The following UBQLN1 variants were observed in gnomAD, a reference collection of about 807,000 sequenced individuals.
UBQLN1 encodes ubiquilin 1, also known as ubiquilin-1.
In UBQLN1, 13 loss-of-function variants were observed where a neutral mutation model predicts 65.4. The observed-to-expected ratio is 0.20, with a 90% CI of 0.13 to 0.32. The LOEUF is 0.32. UBQLN1 is among the 10% of genes least tolerant of loss of function. The probability of loss-of-function intolerance (pLI) is 1.00; values close to 1 mark genes in which losing one functional copy is unlikely to be tolerated. For missense variants in UBQLN1, 561 were observed against 724.0 expected (o/e 0.77, Z 2.58); for synonymous variants, 267 against 247.8 (o/e 1.08, Z -0.73).
rs751361567 is a variant in UBQLN1 at position 83,682,980 on chromosome 9, C to A, written c.419G>T (p.Gly140Val). ...ACCAAAAGGGTTGCTAGTAGCAGAACCAGATGTAGAGTTACTATTAGGAGT... is the reference window on the plus strand; with the variant it reads ...ACCAAAAGGGTTGCTAGTAGCAGAAACAGATGTAGAGTTACTATTAGGAGT... Reference protein sequence around the residue: ...SSTPNSNSTSGSATSNPFGLG... With the variant: ...SSTPNSNSTSVSATSNPFGLG... Residue 140 changes from glycine to valine, a missense_variant, in exon 3 of 11, where the codon GGT (glycine) becomes GTT (valine). Gly to Val is a moderately radical substitution (Grantham distance 109). Around this residue, in one of 8 missense-constraint regions of UBQLN1, gnomAD observed 87 missense variants for 88.8 expected, o/e 0.98. Transcript: ENST00000376395. The A allele has an allele frequency of 1.2e-6, 2 of 1,611,096 alleles. No individual in the cohort carries two copies. Among genetic ancestry groups the A allele is most frequent in the South Asian group, 1.1e-5 (1 of 90,812 alleles).
Position 83,666,336 on chromosome 9 carries a change from C to G in UBQLN1, c.1332+14G>C. ...AATCATTACCCAAGATAGCTAACAT[C>G]TTGTCTTACTCACTTGTTGGAGGAA... On this transcript the variant is annotated intron_variant, in intron 8 of 10. Transcript: ENST00000376395. 6.2e-7 allele frequency: 1 copy of G among 1,612,634 alleles called. No individual in the cohort carries two copies. The highest frequency in any genetic ancestry group is 1.7e-4 in the Middle Eastern group (1 of 6,054).
intron 1 of UBQLN1, among the ~76,000 whole-genome samples, 181 bp from the exon 2 acceptor site, chr9:83,686,336 G>A (rs549527720): frequency 1.3e-5 from 2 of 152,174 alleles, no homozygotes; most frequent in African/African-American, 4.8e-5. Context: ...AGGCTGCAGT[G>A]AGCTATTATC....
intron 7 of UBQLN1, chr9:83,667,867 A>G: frequency 1.0e-6 from 1 of 974,874 alleles, no homozygotes; most frequent in Non-Finnish European, 1.2e-6. Flanking sequence ...AAAAGTTTCT[A>G]AATTATCTGT....
At chr9:83,674,304 G>T (rs1831791170) in intron 6 of UBQLN1, among the ~76,000 whole-genome samples, 1 of 152,046 alleles carries the variant, frequency 6.6e-6, no homozygotes, top group Non-Finnish European at 1.5e-5. Flanking sequence ...AAATGAGATG[G>T]CAAAACTTGT....
At chr9:83,682,392 C>T (rs1359347081) in intron 3 of UBQLN1, among the ~76,000 whole-genome samples, 1 of 151,874 alleles carries the variant, frequency 6.6e-6, no homozygotes. Flanking sequence ...ACCAGCAGGA[C>T]ACCGTAAGCC....
chr9:83,686,032 C>T lies in UBQLN1; in HGVS notation c.304G>A (p.Val102Ile). 3 of 1,606,344 alleles carry T rather than the reference C, an allele frequency of 1.9e-6. No individual in the cohort carries two copies. Among genetic ancestry groups the T allele is most frequent in the Non-Finnish European group, 1.7e-6 (2 of 1,177,330 alleles). Reference protein sequence around the residue: ...SQHGIHDGLTVHLVIKTQNRP... With the variant: ...SQHGIHDGLTIHLVIKTQNRP... ...TTTTGTGTTTTAATGACAAGGTGAA[C>T]AGTAAGTCCATCATGAATTCCATGC... Residue 102 changes from valine (V) to isoleucine (I), a missense_variant, in exon 2 of 11, where the codon GTT becomes ATT. Val to Ile is a conservative substitution (Grantham distance 29). Around this residue, in one of 8 missense-constraint regions of UBQLN1, gnomAD observed 18 missense variants for 45.1 expected, o/e 0.40. Transcript: ENST00000376395.
chr9:83,702,964 T>G (rs1832336053), intron 1 of UBQLN1, among the ~76,000 whole-genome samples: 1 of 152,208 alleles, frequency 6.6e-6, no homozygotes, highest in African/African-American at 2.4e-5. Flanking sequence ...CAAGTAAATG[T>G]ACTTCAAAAT....
At chr9:83,669,033 C>T in intron 7 of UBQLN1, 152 bp downstream of exon 7, 1 of 856,830 alleles carries the variant, frequency 1.2e-6, no homozygotes. Flanking sequence ...TGCAAAGAAA[C>T]ACACGGTCTA....
At chr9:83,662,267 T>TATACAC (rs1471415720) in intron 10 of UBQLN1, among the ~76,000 whole-genome samples, 24 of 129,086 alleles carry the variant, frequency 1.9e-4, no homozygotes, top group South Asian at 1.8e-3. Context: ...TATATACATA[T>TATACAC]ACATATACAC....
chr9:83,677,069 G>A (rs1831845877), intron 6 of UBQLN1, among the ~76,000 whole-genome samples: 1 of 152,206 alleles, frequency 6.6e-6, no homozygotes, highest in South Asian at 2.1e-4. Context: ...CTGGGAATCT[G>A]ATTTTTAATA....
At chr9:83,676,997 C>T (rs1189091308) in intron 6 of UBQLN1, among the ~76,000 whole-genome samples, 1 of 152,202 alleles carries the variant, frequency 6.6e-6, no homozygotes. Flanking sequence ...ATCTGCTTCA[C>T]ACAAACACAG....
intron 2 of UBQLN1, among the ~76,000 whole-genome samples, chr9:83,683,967 G>A (rs1276557699): frequency 6.6e-6 from 1 of 151,866 alleles, no homozygotes; most frequent in Non-Finnish European, 1.5e-5. Context: ...GTTGTAGTGA[G>A]CCAAGATTGC....
chr9:83,669,119 CA>C, intron 7 of UBQLN1, 65 bp downstream of exon 7: 1 of 1,545,102 alleles, frequency 6.5e-7, no homozygotes, highest in Non-Finnish European at 8.7e-7. Flanking sequence ...GCCAAAATCA[CA>C]ATTACAAGAT....
chr9:83,663,958 T>C lies in UBQLN1; in HGVS notation c.1534A>G (p.Ser512Gly), dbSNP rs1468786882. ...GGTTCAGTGGTTCCTGCTGTGGGAC[T>C]TGTGTTTTCACTAGGTGTGGCGTTA... ...GSNATPSENT[S>G]PTAGTTEPGH... The change falls in exon 10 of 11, where the codon AGT becomes GGT. Residue 512 changes from serine (S) to glycine (G), a missense_variant. Physicochemically the swap from Ser to Gly is moderately conservative, Grantham distance 56. Around this residue, in one of 8 missense-constraint regions of UBQLN1, gnomAD observed 68 missense variants for 62.2 expected, o/e 1.09. Coordinates refer to ENST00000376395, the MANE Select transcript of UBQLN1 (RefSeq NM_013438.5). The C allele has an allele frequency of 2.5e-6, 4 of 1,614,102 alleles. No individual in the cohort carries two copies. The highest frequency in any genetic ancestry group is 1.3e-5 in the African/African-American group (1 of 74,942).
intron 4 of UBQLN1, among the ~76,000 whole-genome samples, chr9:83,679,300 C>T (rs1258031136): frequency 6.6e-6 from 1 of 152,296 alleles, no homozygotes. Flanking sequence ...TAAAGCCAAC[C>T]TCTTCTGCTC....
At chr9:83,696,662 C>G (rs944272095) in intron 1 of UBQLN1, among the ~76,000 whole-genome samples, 2 of 150,836 alleles carry the variant, frequency 1.3e-5, no homozygotes, top group African/African-American at 4.9e-5. Flanking sequence ...AAAAAAATCC[C>G]AACTAGGTAC....
In UBQLN1 at chr9:83,685,989, C is replaced by T; in HGVS notation, c.332+15G>A. On this transcript the variant is annotated intron_variant, in intron 2 of 10. Transcript: ENST00000376395. ...TATCCACAATTTTAAAGCTGTACAT[C>T]TTCCAAAACCATACCTGTTTTGTGT... 2 of 1,591,104 alleles carry T rather than the reference C, an allele frequency of 1.3e-6. No individual in the cohort carries two copies. The highest frequency in any genetic ancestry group is 1.7e-6 in the Non-Finnish European group (2 of 1,172,114).
chr9:83,675,359 C>T (rs1313264798), intron 6 of UBQLN1, among the ~76,000 whole-genome samples: 1 of 152,038 alleles, frequency 6.6e-6, no homozygotes, highest in Non-Finnish European at 1.5e-5. Context: ...CAACCTAAAA[C>T]TACAAAGCAA....
intron 1 of UBQLN1, among the ~76,000 whole-genome samples, chr9:83,694,484 C>T (rs1011046708): frequency 6.6e-6 from 1 of 152,068 alleles, no homozygotes; most frequent in South Asian, 2.1e-4. Context: ...ACTGCATAAC[C>T]CTTTATACAA....
Sources: allele counts gnomAD v4.1 joint callset (sites outside exome capture counted in the v4.1 genomes callset), GRCh38; gene constraint gnomAD v4.1.1; regional missense constraint gnomAD v4.1.1; transcripts MANE v1.5; gene names NCBI Gene and HGNC (gene_info 2026-07-23, HGNC 2026-07-21).